Variants in PPP3CA observed in about 807,000 individuals in gnomAD.
The protein encoded by PPP3CA is CAM-PRP catalytic subunit.
Under a neutral mutation model 66.5 loss-of-function variants are expected in PPP3CA, and 14 were observed. That is an observed-to-expected ratio of 0.21 (90% CI 0.14 to 0.33). The LOEUF (loss-of-function observed/expected upper bound fraction) is 0.33, where lower values mean the gene tolerates loss of function less well. PPP3CA is among the 10% of genes least tolerant of loss of function. The pLI, the probability that PPP3CA is intolerant of heterozygous loss-of-function variation, is 1.00. For synonymous variants in PPP3CA, 232 were observed against 226.2 expected, an observed-to-expected ratio of 1.03 and a Z score of -0.23; for missense variants, 317 against 639.5, an observed-to-expected ratio of 0.50 and a Z score of 5.44.
chr4:101,147,088 A>G (rs2110295732), intron 2 of PPP3CA, among the ~76,000 whole-genome samples: 1 of 152,356 alleles, frequency 6.6e-6, no homozygotes, highest in South Asian at 2.1e-4. Context: ...TTTGCTACAG[A>G]TCACATAGCT....
intron 2 of PPP3CA, among the ~76,000 whole-genome samples, chr4:101,169,736 C>T (rs1398848557): frequency 1.5e-5 from 1 of 67,560 alleles, no homozygotes; most frequent in Non-Finnish European, 3.5e-5. Context: ...GAAGTAAATG[C>T]CTTTTTTTTT....
intron 1 of PPP3CA, among the ~76,000 whole-genome samples, chr4:101,224,006 T>C (rs974055451): frequency 1.3e-5 from 2 of 151,718 alleles, no homozygotes; most frequent in African/African-American, 2.4e-5. Flanking sequence ...TGGGGCTAAT[T>C]AGCACTAATA....
intron 1 of PPP3CA, among the ~76,000 whole-genome samples, chr4:101,258,782 A>C (rs929199730): frequency 6.6e-5 from 10 of 152,134 alleles, no homozygotes; most frequent in African/African-American, 2.4e-4. Flanking sequence ...AATGAAGTCC[A>C]GTTTCCTTTC....
intron 6 of PPP3CA, among the ~76,000 whole-genome samples, chr4:101,083,761 C>T (rs188312724): frequency 1.3e-4 from 20 of 152,212 alleles, no homozygotes; most frequent in African/African-American, 4.6e-4. Flanking sequence ...TCTATAATCT[C>T]CCAGATTTAA....
chr4:101,036,701 C>G (rs938616785), intron 11 of PPP3CA, among the ~76,000 whole-genome samples: 1 of 151,974 alleles, frequency 6.6e-6, no homozygotes, highest in Non-Finnish European at 1.5e-5. Flanking sequence ...CGTGAGCCAC[C>G]GCACCCAGCC....
chr4:101,344,397 T>C (rs959667119), intron 1 of PPP3CA, among the ~76,000 whole-genome samples: 6 of 152,180 alleles, frequency 3.9e-5, no homozygotes, highest in African/African-American at 1.4e-4. Flanking sequence ...ATGCCAATAA[T>C]ATTCTACAAG....
At chr4:101,089,168 C>T (rs753293613) in intron 6 of PPP3CA, among the ~76,000 whole-genome samples, 19 of 151,906 alleles carry the variant, frequency 1.3e-4, no homozygotes, top group Non-Finnish European at 2.8e-4. Flanking sequence ...ATAGAGTTTA[C>T]AGTTTACAGT....
chr4:101,196,878 C>T (rs1417829339), intron 1 of PPP3CA, among the ~76,000 whole-genome samples: 2 of 152,212 alleles, frequency 1.3e-5, no homozygotes, highest in Non-Finnish European at 2.9e-5. Flanking sequence ...ATGCCTTCCT[C>T]TACATTTGTG....
At chr4:101,327,900 C>T (rs1281566735) in intron 1 of PPP3CA, among the ~76,000 whole-genome samples, 1 of 152,042 alleles carries the variant, frequency 6.6e-6, no homozygotes, top group Non-Finnish European at 1.5e-5. Context: ...TCAAATTTTT[C>T]ATCTACATGG....
intron 2 of PPP3CA, among the ~76,000 whole-genome samples, chr4:101,188,622 C>T (rs958687360): frequency 2.0e-5 from 3 of 152,044 alleles, no homozygotes; most frequent in African/African-American, 7.2e-5. Context: ...GCTACATAGA[C>T]CTTTTAGGGT....
intron 1 of PPP3CA, among the ~76,000 whole-genome samples, chr4:101,339,119 G>A (rs1729728512): frequency 1.3e-5 from 2 of 152,158 alleles, no homozygotes; most frequent in Non-Finnish European, 2.9e-5. Flanking sequence ...ACATTTTGGG[G>A]GCCAGAGAAG....
chr4:101,112,877 C>A lies in PPP3CA; in HGVS notation c.260-3799G>T, dbSNP rs540769545. Among the ~76,000 whole-genome samples, 37 of 152,132 alleles carry A rather than the reference C, an allele frequency of 2.4e-4. No individual in the cohort carries two copies. In the South Asian group the frequency reaches 3.9e-3, roughly 16 times the overall value. On this transcript the variant is annotated intron_variant, in intron 2 of 13. Transcript: ENST00000394854. ...AGCTGGATAACTTGTCAGTCTTGTC[C>A]GCCATATCCCCAGTGCCTAGACACT...
intron 2 of PPP3CA, among the ~76,000 whole-genome samples, chr4:101,191,850 T>C (rs951840067): frequency 1.4e-4 from 21 of 152,146 alleles, no homozygotes; most frequent in Non-Finnish European, 2.8e-4. Flanking sequence ...CTGCCTGACA[T>C]GCTAAATGGC....
chr4:101,122,159 A>G (rs1424751915), intron 2 of PPP3CA, among the ~76,000 whole-genome samples: 1 of 152,172 alleles, frequency 6.6e-6, no homozygotes, highest in Non-Finnish European at 1.5e-5. Flanking sequence ...CTTCTGTTTC[A>G]TGAGAAAGTA....
intron 1 of PPP3CA, among the ~76,000 whole-genome samples, chr4:101,238,346 A>T (rs1053376300): frequency 6.6e-5 from 10 of 151,970 alleles, no homozygotes; most frequent in African/African-American, 9.7e-5. Context: ...TTAAAAGCTG[A>T]CAATAGTTCT....
chr4:101,332,515 C>T (rs1307154069), intron 1 of PPP3CA, among the ~76,000 whole-genome samples: 1 of 152,148 alleles, frequency 6.6e-6, no homozygotes, highest in Non-Finnish European at 1.5e-5. Context: ...TAGGGCCCCC[C>T]AAATGACTGT....
chr4:101,146,394 A>T (rs1478204040), intron 2 of PPP3CA, among the ~76,000 whole-genome samples: 1 of 152,226 alleles, frequency 6.6e-6, no homozygotes, highest in Non-Finnish European at 1.5e-5. Flanking sequence ...TGAACTAATT[A>T]ACTTGACTTA....
intron 2 of PPP3CA, among the ~76,000 whole-genome samples, chr4:101,117,536 T>C (rs1213243427): frequency 6.6e-6 from 1 of 151,762 alleles, no homozygotes; most frequent in Non-Finnish European, 1.5e-5. Flanking sequence ...GATACCACTA[T>C]TTTTCCATTT....
At chr4:101,240,406 G>A (rs1726267515) in intron 1 of PPP3CA, among the ~76,000 whole-genome samples, 1 of 152,034 alleles carries the variant, frequency 6.6e-6, no homozygotes, top group African/African-American at 2.4e-5. Context: ...TCCACTGAGT[G>A]AGCTGCTAGA....
Sources: allele counts gnomAD v4.1 joint callset (sites outside exome capture counted in the v4.1 genomes callset), GRCh38; gene constraint gnomAD v4.1.1; transcripts MANE v1.5; gene names NCBI Gene and HGNC (gene_info 2026-07-23, HGNC 2026-07-21).